Variants in DNMBP observed in about 807,000 individuals in gnomAD.
DNMBP encodes dynamin binding protein.
Under a neutral mutation model 150.0 loss-of-function variants are expected in DNMBP, and 87 were observed. The observed-to-expected ratio is 0.58, with a 90% CI of 0.49 to 0.69. The LOEUF (loss-of-function observed/expected upper bound fraction) is 0.69, where lower values mean the gene tolerates loss of function less well. DNMBP is among the 30% of genes least tolerant of loss of function. The pLI is 0.00. For missense variants in DNMBP, 1,774 were observed against 1,949.0 expected, an observed-to-expected ratio of 0.91 and a Z score of 1.69; for synonymous variants, 711 against 750.4, an observed-to-expected ratio of 0.95 and a Z score of 0.86.
At chr10:99,968,852 A>C (rs928336144) in intron 3 of DNMBP, among the ~76,000 whole-genome samples, 1 of 152,192 alleles carries the variant, frequency 6.6e-6, no homozygotes, top group African/African-American at 2.4e-5. Flanking sequence ...CTCATTATTT[A>C]TAAAATACAG....
At chr10:99,959,846 C>A (rs2040543559) in intron 3 of DNMBP, among the ~76,000 whole-genome samples, 2 of 142,964 alleles carry the variant, frequency 1.4e-5, no homozygotes, top group Admixed American at 7.1e-5. Context: ...CAGAGTGAGA[C>A]CGTGTCTCAA....
chr10:99,875,765 CAG>C lies in DNMBP; in HGVS notation c.*1384_*1385del, dbSNP rs1478555010. On this transcript the variant is annotated 3_prime_UTR_variant, in exon 17 of 17. Transcript: ENST00000324109. ...AAGGCTAAATGTGCACTTGGAGGAA[CAG>C]GGGCTGTAAGGCTATTTCTTCCCTT... 1.3e-4 allele frequency: 19 copies of C among 151,604 alleles called. No homozygotes were observed. The highest frequency in any genetic ancestry group is 4.6e-4 in the African/African-American group (19 of 41,302). 9.4% of individuals were successfully genotyped at this position (151,604 alleles called of 1,614,324 possible).
chr10:99,907,678 G>A, intron 6 of DNMBP, among the ~76,000 whole-genome samples: 1 of 152,140 alleles, frequency 6.6e-6, no homozygotes, highest in Admixed American at 6.5e-5. Context: ...TTACAGGTGT[G>A]AGCCACTGTG....
At chr10:99,971,918 G>C in intron 2 of DNMBP, 62 bp downstream of exon 2, 6 of 1,502,768 alleles carry the variant, frequency 4.0e-6, no homozygotes, top group Non-Finnish European at 5.4e-6. Context: ...TGCAGTGCCA[G>C]CCTTTATTTT....
At chr10:99,954,580 A>G (rs1026704333) in intron 4 of DNMBP, among the ~76,000 whole-genome samples, 1 of 151,452 alleles carries the variant, frequency 6.6e-6, no homozygotes, top group Non-Finnish European at 1.5e-5. Flanking sequence ...TCCCATCTCT[A>G]CTAAAAATAC....
At chr10:99,945,334 C>G (rs541404975) in intron 4 of DNMBP, among the ~76,000 whole-genome samples, 1 of 152,040 alleles carries the variant, frequency 6.6e-6, no homozygotes, top group Non-Finnish European at 1.5e-5. Context: ...TACTGGCACG[C>G]GGAGTAAAAT....
chr10:99,913,730 G>A (rs563906454), intron 4 of DNMBP, among the ~76,000 whole-genome samples: 9 of 152,008 alleles, frequency 5.9e-5, no homozygotes, highest in African/African-American at 9.7e-5. Flanking sequence ...CCTAAAGTTC[G>A]AAGGAAGGGA....
At chr10:99,908,294 C>T (rs1272664029) in intron 5 of DNMBP, among the ~76,000 whole-genome samples, 200 bp from the exon 6 acceptor site, 1 of 152,202 alleles carries the variant, frequency 6.6e-6, no homozygotes, top group African/African-American at 2.4e-5. Context: ...CTATTCTCTG[C>T]CACCCCAACC....
rs779626413 is a variant in DNMBP, at chr10:99,880,277, G to C, written c.4082C>G (p.Ser1361Cys). The C allele has an allele frequency of 1.4e-5, 23 of 1,614,012 alleles. No homozygotes were observed. The highest frequency in any genetic ancestry group is 1.9e-5 in the Non-Finnish European group (23 of 1,179,998). The change falls in exon 16 of 17, where the codon TCC becomes TGC. Residue 1361 changes from serine (S) to cysteine (C), a missense_variant. Around this residue, in one of 2 missense-constraint regions of DNMBP, gnomAD observed 1,430 missense variants for 1,492.5 expected, o/e 0.96. Coordinates refer to ENST00000324109, the MANE Select transcript of DNMBP (RefSeq NM_015221.4). The part of the protein sequence containing the change: ...SHSDASVGSH[S>C]STESEHGSSS... ...GCTGCCGTGCTCAGACTCTGTGGAG[G>C]AGTGGCTACCCACGGAGGCATCGGA...
chr10:99,912,035 T>G (rs2039906111), intron 4 of DNMBP, among the ~76,000 whole-genome samples: 1 of 152,186 alleles, frequency 6.6e-6, no homozygotes, highest in African/African-American at 2.4e-5. Context: ...ACAGATTATA[T>G]CCCTGAACTC....
In DNMBP at chr10:100,003,568, T is replaced by A. The variant is rs143899237; in HGVS notation, c.-11+6270A>T. Among the ~76,000 whole-genome samples the A allele has an allele frequency of 3.9e-5, 6 of 152,298 alleles. No individual in the cohort carries two copies. The East Asian group carries it at 1.2e-3, about 29-fold the overall frequency. Reference sequence around the variant, plus strand: ...ACACATTATATGCTCTTGGATGGAATGAGTTACTATTTCAGTGGCTCACAC... The same window carrying A: ...ACACATTATATGCTCTTGGATGGAAAGAGTTACTATTTCAGTGGCTCACAC... On this transcript the variant is annotated intron_variant, in intron 1 of 16. Transcript: ENST00000324109.
chr10:100,006,238 T>G (rs2041069957), intron 1 of DNMBP, among the ~76,000 whole-genome samples: 1 of 152,204 alleles, frequency 6.6e-6, no homozygotes, highest in Non-Finnish European at 1.5e-5. Context: ...CCTGATTACC[T>G]CTTGATTTGG....
At chr10:99,913,515 A>G (rs2039926463) in intron 4 of DNMBP, among the ~76,000 whole-genome samples, 1 of 152,204 alleles carries the variant, frequency 6.6e-6, no homozygotes, top group Admixed American at 6.5e-5. Context: ...AAATGTGCAG[A>G]CGAGCTCTTA....
intron 11 of DNMBP, among the ~76,000 whole-genome samples, chr10:99,891,595 C>T (rs918441450): frequency 5.7e-4 from 86 of 151,524 alleles, no homozygotes; most frequent in African/African-American, 1.9e-3. Context: ...CGGCCGCCAC[C>T]CCGTCTGGGA....
intron 4 of DNMBP, among the ~76,000 whole-genome samples, chr10:99,927,609 C>T (rs1485807509): frequency 6.6e-6 from 1 of 151,950 alleles, no homozygotes; most frequent in Admixed American, 6.6e-5. Flanking sequence ...AGGGCAATGG[C>T]GTGAGAGAGC....
At chr10:99,907,349 G>C (rs2039839048) in intron 6 of DNMBP, among the ~76,000 whole-genome samples, 1 of 150,938 alleles carries the variant, frequency 6.6e-6, no homozygotes, top group African/African-American at 2.4e-5. Context: ...CAACAGATAA[G>C]TTTCAAAAAT....
intron 3 of DNMBP, among the ~76,000 whole-genome samples, chr10:99,963,492 C>T (rs1340197393): frequency 1.3e-5 from 2 of 151,828 alleles, no homozygotes; most frequent in East Asian, 3.8e-4. Context: ...TCACTTTTTC[C>T]ATTAGATTGG....
chr10:99,917,020 A>G (rs1286903570), intron 4 of DNMBP, among the ~76,000 whole-genome samples: 1 of 151,982 alleles, frequency 6.6e-6, no homozygotes, highest in Non-Finnish European at 1.5e-5. Flanking sequence ...CCAAAAGAGC[A>G]AAAGGGCCCA....
chr10:99,924,778 A>G (rs2040059955), intron 4 of DNMBP, among the ~76,000 whole-genome samples: 1 of 152,236 alleles, frequency 6.6e-6, no homozygotes, highest in African/African-American at 2.4e-5. Flanking sequence ...CAATGAAAAG[A>G]AATCTTGAAT....
Sources: allele counts gnomAD v4.1 joint callset (sites outside exome capture counted in the v4.1 genomes callset), GRCh38; gene constraint gnomAD v4.1.1; regional missense constraint gnomAD v4.1.1; transcripts MANE v1.5; gene names NCBI Gene and HGNC (gene_info 2026-07-23, HGNC 2026-07-21).